The following SPIN1 variants were observed in gnomAD, a reference collection of about 807,000 sequenced individuals.
SPIN1 encodes spindlin-1.
Under a neutral mutation model 26.0 loss-of-function variants are expected in SPIN1, and 3 were observed. The observed-to-expected ratio is 0.12, with a 90% CI of 0.05 to 0.30. The LOEUF (loss-of-function observed/expected upper bound fraction) is 0.30, where lower values mean the gene tolerates loss of function less well. Among genes scored for constraint, SPIN1 ranks in the 10% least tolerant of loss-of-function variants. The pLI, the probability that SPIN1 is intolerant of heterozygous loss-of-function variation, is 1.00. For synonymous variants in SPIN1, 101 were observed against 116.5 expected (o/e 0.87, Z 0.86); for missense variants, 126 against 333.4 (o/e 0.38, Z 4.84).
chr9:88,408,357 T>TG (rs1827354713), intron 1 of SPIN1, among the ~76,000 whole-genome samples: 1 of 127,684 alleles, frequency 7.8e-6, no homozygotes, highest in African/African-American at 4.0e-5. Flanking sequence ...TTTGTTTTGG[T>TG]TTTTCTTTTC....
At chr9:88,453,243 G>T (rs1239421762) in intron 3 of SPIN1, among the ~76,000 whole-genome samples, 1 of 152,006 alleles carries the variant, frequency 6.6e-6, no homozygotes, top group Non-Finnish European at 1.5e-5. Flanking sequence ...GAACTTCTTT[G>T]AAGTATTGAG....
At chr9:88,403,205 T>C (rs1392783722) in intron 1 of SPIN1, among the ~76,000 whole-genome samples, 1 of 152,210 alleles carries the variant, frequency 6.6e-6, no homozygotes, top group Non-Finnish European at 1.5e-5. Context: ...TCATGAATGG[T>C]TTGCACATAT....
intron 2 of SPIN1, among the ~76,000 whole-genome samples, chr9:88,429,663 G>A (rs551961320): frequency 6.6e-6 from 1 of 152,298 alleles, no homozygotes; most frequent in East Asian, 1.9e-4. Context: ...CTATCTGGAA[G>A]CTCTTCTAAA....
intron 4 of SPIN1, among the ~76,000 whole-genome samples, chr9:88,467,858 CA>C (rs201593243): frequency 2.1e-4 from 24 of 113,186 alleles, no homozygotes; most frequent in East Asian, 1.1e-3. Context: ...AAAAAAAAAA[CA>C]AAAAAAAAAC....
At chr9:88,399,071 G>A (rs1180064896) in intron 1 of SPIN1, among the ~76,000 whole-genome samples, 1 of 147,808 alleles carries the variant, frequency 6.8e-6, no homozygotes, top group Admixed American at 6.8e-5. Context: ...TTGCTCTATT[G>A]CCCAGGCTGG....
At chr9:88,403,952 G>A (rs1304287063) in intron 1 of SPIN1, among the ~76,000 whole-genome samples, 1 of 152,140 alleles carries the variant, frequency 6.6e-6, no homozygotes, top group Non-Finnish European at 1.5e-5. Flanking sequence ...GCATTATAGA[G>A]CATACTTGCA....
chr9:88,447,844 C>T (rs1163616063), intron 2 of SPIN1, among the ~76,000 whole-genome samples: 2 of 152,146 alleles, frequency 1.3e-5, no homozygotes, highest in African/African-American at 4.8e-5. Context: ...AAATTGCTTC[C>T]AGGAATGAGG....
rs1828905015 is a variant in SPIN1 at position 88,477,170 on chromosome 9, GTTGACTCTT to G, written c.*1894_*1902del. On this transcript the variant is annotated 3_prime_UTR_variant, in exon 6 of 6. Transcript: ENST00000375859. ...CTACAGATCTGTTATGTGTTTTCCT[GTTGACTCTT>G]AAGAGTCCCTGCATGTAAATCTCAA... 6.6e-6 allele frequency: 1 copy of G among 152,156 alleles called. No individual in the cohort carries two copies. Among genetic ancestry groups the G allele is most frequent in the African/African-American group, 2.4e-5 (1 of 41,422 alleles). 9.4% of individuals were successfully genotyped at this position (152,156 alleles called of 1,614,324 possible). A position where few individuals can be genotyped will look rare whatever the true frequency, so the allele number is the denominator to read the frequency against.
chr9:88,410,142 A>G (rs914497628), intron 1 of SPIN1, among the ~76,000 whole-genome samples: 1 of 144,624 alleles, frequency 6.9e-6, no homozygotes, highest in African/African-American at 2.7e-5. Context: ...AAGTTATTTG[A>G]TGCTTTCATG....
intron 1 of SPIN1, chr9:88,411,248 A>T: frequency 8.7e-7 from 1 of 1,145,666 alleles, no homozygotes; most frequent in Non-Finnish European, 1.3e-6. Context: ...CCTTGCATTC[A>T]TGGCTGCATC....
intron 5 of SPIN1, among the ~76,000 whole-genome samples, chr9:88,474,241 A>C (rs182497071): frequency 6.6e-6 from 1 of 152,342 alleles, no homozygotes; most frequent in African/African-American, 2.4e-5. Context: ...GAACCCATGC[A>C]GAGTTTCTTA....
At chr9:88,401,903 C>T (rs1827194922) in intron 1 of SPIN1, among the ~76,000 whole-genome samples, 1 of 152,166 alleles carries the variant, frequency 6.6e-6, no homozygotes, top group African/African-American at 2.4e-5. Context: ...TATTTTACAT[C>T]TTTATGGGAT....
intron 1 of SPIN1, among the ~76,000 whole-genome samples, chr9:88,411,823 A>G (rs753266685): frequency 2.0e-5 from 3 of 151,910 alleles, no homozygotes; most frequent in Non-Finnish European, 4.4e-5. Context: ...CCTATTTTCA[A>G]CTTTTTCTTA....
intron 5 of SPIN1, among the ~76,000 whole-genome samples, chr9:88,473,694 CAG>C (rs1458488132): frequency 8.6e-5 from 13 of 151,662 alleles, no homozygotes; most frequent in Non-Finnish European, 1.8e-4. Flanking sequence ...CCTTTAGAAA[CAG>C]TGGTGATGCT....
At chr9:88,416,793 T>G (rs1827574817) in intron 1 of SPIN1, 1 of 152,170 alleles carries the variant, frequency 6.6e-6, no homozygotes, top group Non-Finnish European at 1.5e-5. Flanking sequence ...CTAGCTAATT[T>G]TGTATTTTTA....
chr9:88,431,895 G>C (rs1827880111), intron 2 of SPIN1, among the ~76,000 whole-genome samples: 1 of 151,970 alleles, frequency 6.6e-6, no homozygotes, highest in Non-Finnish European at 1.5e-5. Flanking sequence ...CAAAAAATTA[G>C]CTGGGTGTGA....
intron 4 of SPIN1, among the ~76,000 whole-genome samples, chr9:88,465,867 A>T (rs1362589504): frequency 6.6e-6 from 1 of 152,224 alleles, no homozygotes; most frequent in African/African-American, 2.4e-5. Flanking sequence ...GCTGGATTTT[A>T]TACCTGAACT....
intron 3 of SPIN1, among the ~76,000 whole-genome samples, chr9:88,452,617 G>A (rs532278612): frequency 2.0e-5 from 3 of 152,298 alleles, no homozygotes; most frequent in Admixed American, 1.3e-4. Context: ...CCCAAAGTGC[G>A]CAGTGTGTAG....
At position 88,421,685 on chromosome 9, in the gene SPIN1, G is replaced by C. The variant is rs1056916447; in HGVS notation, c.-158-4697G>C. Among the ~76,000 whole-genome samples, 6 of 138,806 alleles carry C rather than the reference G, an allele frequency of 4.3e-5. No homozygotes were observed. The Admixed American group carries it at 5.1e-4, about 12-fold the overall frequency. The allele number at this position is 138,806 out of a possible 152,430, so 91.1% of individuals were successfully genotyped here. On this transcript the variant is annotated intron_variant, in intron 1 of 5. Transcript: ENST00000375859. ...ATTGTTGAGTCTTTAGTCTCTTTTA[G>C]TCTAGAGCAGTATGTCTACCATTTT...
Sources: gnomAD v4.1 joint callset for allele counts (sites outside exome capture counted in the v4.1 genomes callset) on GRCh38, gnomAD v4.1.1 for gene constraint, MANE v1.5 for transcripts, NCBI Gene and HGNC (gene_info 2026-07-23, HGNC 2026-07-21) for gene names.